The following MYO18B variants were observed in gnomAD, a reference collection of about 807,000 sequenced individuals.
MYO18B encodes the protein myosin XVIIIB.
Under a neutral mutation model 273.0 loss-of-function variants are expected in MYO18B, and 204 were observed. The ratio of observed to expected loss-of-function variants is 0.75; its 90% confidence interval spans 0.67 to 0.84. MYO18B has a LOEUF of 0.84. Ranked by LOEUF, MYO18B falls within the 40% of genes least tolerant of loss-of-function variation. MYO18B has a pLI of 0.00. For synonymous variants in MYO18B, 1,330 were observed against 1,305.7 expected (o/e 1.02, Z -0.40); for missense variants, 3,212 against 3,287.6 (o/e 0.98, Z 0.56).
intron 24 of MYO18B, chr22:25,877,059 T>C (rs2091219874): frequency 6.6e-6 from 1 of 152,140 alleles, no homozygotes. Context: ...AGAAAGGCAA[T>C]CCCTGGAGGA....
At chr22:25,833,021 A>G in intron 16 of MYO18B, 24 bp downstream of exon 16, 1 of 1,603,906 alleles carries the variant, frequency 6.2e-7, no homozygotes. Context: ...CAGCCAATCC[A>G]GGCTCTCAGA....
intron 11 of MYO18B, among the ~76,000 whole-genome samples, chr22:25,795,167 T>C (rs1268360685): frequency 6.6e-6 from 1 of 152,240 alleles, no homozygotes; most frequent in African/African-American, 2.4e-5. Context: ...ATTCTCCTGC[T>C]GATAGACATT....
At chr22:26,054,416 A>G in the MYO18B span, among the ~76,000 whole-genome samples, 1 of 152,138 alleles carries the variant, frequency 6.6e-6, no homozygotes, top group Non-Finnish European at 1.5e-5. Flanking sequence ...AGAGATGTAC[A>G]ATCCCCTGTT....
chr22:25,752,377 C>G (rs986967324), intron 1 of MYO18B, among the ~76,000 whole-genome samples: 1 of 150,922 alleles, frequency 6.6e-6, no homozygotes, highest in African/African-American at 2.4e-5. Flanking sequence ...TTAGTAGAGA[C>G]GGGGTTTCAC....
intron 38 of MYO18B, among the ~76,000 whole-genome samples, chr22:25,953,030 A>G (rs1055204522): frequency 2.8e-4 from 43 of 152,082 alleles, no homozygotes; most frequent in Non-Finnish European, 5.9e-5. Context: ...TCTTTTCAAG[A>G]CTCTGGAATC....
intron 1 of MYO18B, among the ~76,000 whole-genome samples, chr22:25,742,868 C>G (rs1293697169): frequency 6.6e-6 from 1 of 152,242 alleles, no homozygotes; most frequent in African/African-American, 2.4e-5. Flanking sequence ...TCCTTGAGCT[C>G]TGTCTGAGGG....
Position 25,876,354 on chromosome 22 carries a change from G to T in MYO18B, c.4224+22G>T, listed in dbSNP as rs751505803. On this transcript the variant is annotated intron_variant, in intron 24 of 43. Coordinates refer to ENST00000335473, the MANE Select transcript of MYO18B (RefSeq NM_032608.7). ...GGAGGTCAGTCTATGTGGCAGGCAG[G>T]GTGCTGGGTGGCTACTCCCCACACC... 4.4e-6 allele frequency: 7 copies of T among 1,588,372 alleles called. No individual in the cohort carries two copies. In the African/African-American group the frequency reaches 8.1e-5, roughly 18 times the overall value.
chr22:25,897,331 T>G (rs2091830216), intron 28 of MYO18B: 1 of 152,192 alleles, frequency 6.6e-6, no homozygotes, highest in Admixed American at 6.5e-5. Context: ...TGAGATCACA[T>G]GGGATTTTAT....
chr22:25,787,282 A>G (rs908985151), intron 11 of MYO18B, among the ~76,000 whole-genome samples: 80 of 20,896 alleles, frequency 3.8e-3, no homozygotes, highest in Middle Eastern at 0.024. Flanking sequence ...GCACACACAC[A>G]CACACACACA....
intron 17 of MYO18B, among the ~76,000 whole-genome samples, chr22:25,838,878 T>C (rs1053172879): frequency 5.7e-5 from 8 of 139,404 alleles, no homozygotes; most frequent in Admixed American, 1.5e-4. Context: ...TTTGTGTATA[T>C]ATATATATAT....
At chr22:25,829,002 G>C (rs770402927) in intron 15 of MYO18B, 34 bp downstream of exon 15, 1 of 1,606,832 alleles carries the variant, frequency 6.2e-7, no homozygotes, top group Non-Finnish European at 8.5e-7. Context: ...TTTCACCAGA[G>C]CTCCGTGGAT....
chr22:25,852,094 T>C (rs1360044647), intron 21 of MYO18B, among the ~76,000 whole-genome samples: 1 of 152,310 alleles, frequency 6.6e-6, no homozygotes, highest in East Asian at 1.9e-4. Flanking sequence ...GGGTGGTCTA[T>C]GAAAAGAGGG....
chr22:25,818,716 T>TC (rs1269088715), intron 12 of MYO18B, among the ~76,000 whole-genome samples: 1 of 152,086 alleles, frequency 6.6e-6, no homozygotes. Flanking sequence ...GACAGGATAA[T>TC]CCCTTCTGGG....
chr22:25,835,920 G>A (rs2089883723), intron 17 of MYO18B, among the ~76,000 whole-genome samples: 3 of 152,216 alleles, frequency 2.0e-5, no homozygotes, highest in Admixed American at 2.0e-4. Flanking sequence ...CTAGAGCAAC[G>A]AGAAGCCATG....
intron 21 of MYO18B, among the ~76,000 whole-genome samples, chr22:25,853,164 C>A (rs908911982): frequency 1.3e-5 from 2 of 152,206 alleles, no homozygotes; most frequent in African/African-American, 4.8e-5. Flanking sequence ...ATATCATCAT[C>A]CTCTTTCAAA....
chr22:25,995,489 A>G (rs1219578878), intron 40 of MYO18B, among the ~76,000 whole-genome samples: 1 of 152,232 alleles, frequency 6.6e-6, no homozygotes, highest in African/African-American at 2.4e-5. Context: ...GCACACCTGT[A>G]TCAAAACATC....
chr22:26,017,972 T>A (rs921949157), intron 42 of MYO18B, among the ~76,000 whole-genome samples: 1 of 53,842 alleles, frequency 1.9e-5, no homozygotes, highest in African/African-American at 6.3e-5. Context: ...GTTTTGTTTT[T>A]TTTTTTTTTT....
chr22:25,793,934 T>A (rs773526865), intron 11 of MYO18B, among the ~76,000 whole-genome samples: 21 of 152,074 alleles, frequency 1.4e-4, no homozygotes, highest in South Asian at 8.3e-4. Context: ...ATATTCTTTG[T>A]CTCTCTCTTT....
At chr22:25,963,142 TC>T (rs1569241840) in intron 39 of MYO18B, among the ~76,000 whole-genome samples, 7 of 147,396 alleles carry the variant, frequency 4.7e-5, no homozygotes, top group South Asian at 2.2e-4. Context: ...CTTTCTCCTC[TC>T]TCTCTCTCCT....
Sources: gnomAD v4.1 joint callset for allele counts (sites outside exome capture counted in the v4.1 genomes callset) on GRCh38, gnomAD v4.1.1 for gene constraint, MANE v1.5 for transcripts, NCBI Gene and HGNC (gene_info 2026-07-23, HGNC 2026-07-21) for gene names.